The following GMPR2 variants were observed in gnomAD, a reference collection of about 807,000 sequenced individuals.
GMPR2 encodes guanosine monophosphate reductase 2.
In GMPR2, 32 loss-of-function variants were observed where a neutral mutation model predicts 38.5. The observed-to-expected ratio is 0.83, with a 90% CI of 0.63 to 1.12. The LOEUF (loss-of-function observed/expected upper bound fraction) is 1.12. Among genes scored for constraint, GMPR2 ranks in the 50% most tolerant of loss-of-function variants. GMPR2 has a pLI of 0.00. For missense variants in GMPR2, 396 were observed against 432.1 expected, an observed-to-expected ratio of 0.92 and a Z score of 0.74; for synonymous variants, 154 against 151.0, an observed-to-expected ratio of 1.02 and a Z score of -0.15.
chr14:24,236,845 G>A, intron 5 of GMPR2: 2 of 491,836 alleles, frequency 4.1e-6, no homozygotes, highest in Non-Finnish European at 7.4e-6. Flanking sequence ...GTTCAGTGGT[G>A]ACATTGGCCA....
chr14:24,234,011 C>T, intron 3 of GMPR2: 3 of 972,252 alleles, frequency 3.1e-6, no homozygotes, highest in Non-Finnish European at 4.3e-6. Context: ...CTAGAAGATC[C>T]TAGGAGAAGC....
chr14:24,233,683 C>A lies in GMPR2; in HGVS notation c.207+85C>A, dbSNP rs771401714. The A allele has an allele frequency of 3.5e-6, 5 of 1,428,918 alleles. No individual in the cohort carries two copies. The Admixed American group carries it at 5.0e-5, about 14-fold the overall frequency. 88.5% of individuals were successfully genotyped at this position (1,428,918 alleles called of 1,614,324 possible). A position where few individuals can be genotyped will look rare whatever the true frequency, so the allele number is the denominator to read the frequency against. ...GGTGTTTGCATCCCCACCCCCATGC[C>A]CAGTCAGTTCTCTGGCAGTTAGCAG... On this transcript the variant is annotated intron_variant, in intron 3 of 9. Transcript: ENST00000399440.
rs1246144235 is a variant in GMPR2 at position 24,235,790 on chromosome 14, G to A, written c.261G>A (p.Glu87=). 6.2e-7 allele frequency: 1 copy of A among 1,613,586 alleles called. No individual in the cohort carries two copies. The highest frequency in any genetic ancestry group is 1.1e-5 in the South Asian group (1 of 91,084). ...ACTATAGCCTCGTTCAGTGGCAAGA[G>A]TTTGCTGGCCAGAATCCTGACTGTC... ...HKHYSLVQWQ[E]FAGQNPDCLE... The change falls in exon 4 of 10, where the codon GAG becomes GAA. Residue 87 remains glutamate (E), a synonymous_variant. Coordinates refer to ENST00000399440, the MANE Select transcript of GMPR2 (RefSeq NM_001002002.3).
rs773932048 is a variant in GMPR2 at position 24,233,384 on chromosome 14, C to T, written c.87+44C>T. The T allele has an allele frequency of 3.1e-6, 5 of 1,610,046 alleles. No homozygotes were observed. In the African/African-American group the frequency reaches 4.0e-5, roughly 13 times the overall value. On this transcript the variant is annotated intron_variant, in intron 2 of 9. Coordinates refer to ENST00000399440, the MANE Select transcript of GMPR2 (RefSeq NM_001002002.3). ...TTGCTGTTTCTTGACCCCACGCTCC[C>T]GGTGGGCCACAACCAAGAAAGATGC...
intron 5 of GMPR2, 85 bp downstream of exon 5, chr14:24,236,225 C>T (rs1315398456): frequency 1.1e-6 from 1 of 929,892 alleles, no homozygotes; most frequent in East Asian, 2.4e-5. Flanking sequence ...TTCTCCTCTG[C>T]TGCATTATGA....
intron 3 of GMPR2, chr14:24,233,800 A>G (rs937650416): frequency 1.2e-5 from 8 of 651,290 alleles, no homozygotes; most frequent in African/African-American, 1.1e-4. Context: ...ATTCAAAGCT[A>G]AGTTCTGCTC....
In GMPR2 at chr14:24,237,363, G is replaced by C; in HGVS notation, c.654+12G>C. 1 of 1,545,426 alleles carries C rather than the reference G, an allele frequency of 6.5e-7. No homozygotes were observed. The highest frequency in any genetic ancestry group is 1.4e-5 in the African/African-American group (1 of 73,778). The stretch of plus-strand genomic sequence containing the variant: ...GCCACATCATTTCAGTAAGGCTCAA[G>C]GGCAGGGTAGGGTATGAGCGGGGTT... On this transcript the variant is annotated intron_variant, in intron 7 of 9. Transcript: ENST00000399440.
At position 24,233,080 on chromosome 14, in the gene GMPR2, G is replaced by T. The variant is rs2040132128; in HGVS notation, c.-36+103G>T. The T allele has an allele frequency of 4.9e-6, 5 of 1,020,380 alleles. No homozygotes were observed. The East Asian group carries it at 9.5e-5, about 19-fold the overall frequency. The allele number at this position is 1,020,380 out of a possible 1,614,324, so 63.2% of individuals were successfully genotyped here. Reference sequence around the variant, plus strand: ...CCTAGGGTAATCGCAGCCACGGGATGGGTCGAGGTGACAGGCTTCAGGGAC... The same window carrying T: ...CCTAGGGTAATCGCAGCCACGGGATTGGTCGAGGTGACAGGCTTCAGGGAC... On this transcript the variant is annotated intron_variant, in intron 1 of 9. Coordinates refer to ENST00000399440, the MANE Select transcript of GMPR2 (RefSeq NM_001002002.3).
chr14:24,237,557 C>CT lies in GMPR2; in HGVS notation c.696dup (p.Gly233TrpfsTer5), dbSNP rs764447044. On this transcript the variant is annotated frameshift_variant, in exon 8 of 10. Transcript: ENST00000399440. LOFTEE classifies it high-confidence loss of function. ...AGCTGTCCTGGGGATGTGGCCAAGG[C>CT]TTTTGGTAAGGAGCTTGAGGGCACA... 5.6e-6 allele frequency: 9 copies of CT among 1,613,662 alleles called. No homozygotes were observed. The Admixed American group carries it at 1.5e-4, about 27-fold the overall frequency.
chr14:24,238,262 C>T lies in GMPR2; in HGVS notation c.714C>T (p.Phe238=), dbSNP rs377312902. Reference sequence around the variant, plus strand: ...TGGTGGCAGGGGCAGGAGCTGACTTCGTGATGCTGGGTGGCATGCTGGCTG... The same window carrying T: ...TGGTGGCAGGGGCAGGAGCTGACTTTGTGATGCTGGGTGGCATGCTGGCTG... ...VAKAFGAGAD[F]VMLGGMLAGH... Residue 238 remains phenylalanine (F), a synonymous_variant, in exon 9 of 10, where the codon TTC becomes TTT. Coordinates refer to ENST00000399440, the MANE Select transcript of GMPR2 (RefSeq NM_001002002.3). 4.6e-5 allele frequency: 74 copies of T among 1,611,428 alleles called. No individual in the cohort carries two copies. Among genetic ancestry groups the T allele is most frequent in the Non-Finnish European group, 5.5e-5 (65 of 1,178,470 alleles).
Position 24,236,155 on chromosome 14 carries a change from C to G in GMPR2, c.465+15C>G, listed in dbSNP as rs1371502745. 6.2e-7 allele frequency: 1 copy of G among 1,600,614 alleles called. No individual in the cohort carries two copies. Among genetic ancestry groups the G allele is most frequent in the Non-Finnish European group, 8.6e-7 (1 of 1,169,074 alleles). ...ACACCATCATGGTATGTTTCTATTA[C>G]AGTCGGTACCTTTTTATCTTTCCAC... On this transcript the variant is annotated intron_variant, in intron 5 of 9. Transcript: ENST00000399440.
In GMPR2 at chr14:24,238,319, G is replaced by A. The variant is rs2040446568; in HGVS notation, c.771G>A (p.Glu257=). The change falls in exon 9 of 10, where the codon GAG becomes GAA. Residue 257 remains glutamate (E), a synonymous_variant. Transcript: ENST00000399440. Reference sequence around the variant, plus strand: ...GTGAGTCAGGTGGTGAGCTCATCGAGAGGGATGGCAAGAAGTACAAGCTCT... The same window carrying A: ...GTGAGTCAGGTGGTGAGCTCATCGAAAGGGATGGCAAGAAGTACAAGCTCT... The part of the protein sequence containing the change: ...GHSESGGELI[E]RDGKKYKLFY... 1.6e-5 allele frequency: 26 copies of A among 1,614,174 alleles called. No homozygotes were observed. The highest frequency in any genetic ancestry group is 1.9e-5 in the Non-Finnish European group (23 of 1,180,022).
intron 5 of GMPR2, among the ~76,000 whole-genome samples, chr14:24,236,579 G>A (rs756603550): frequency 3.3e-5 from 5 of 152,188 alleles, no homozygotes; most frequent in African/African-American, 4.8e-5. Flanking sequence ...GGTCAAATGG[G>A]TCTTTAGCCT....
intron 1 of GMPR2, 97 bp downstream of exon 1, chr14:24,233,074 C>A (rs958305328): frequency 2.0e-6 from 2 of 979,046 alleles, no homozygotes; most frequent in Non-Finnish European, 3.2e-6. Flanking sequence ...ATCGCAGCCA[C>A]GGGATGGGTC....
In GMPR2 at chr14:24,238,093, C is replaced by G. The variant is rs1272175197; in HGVS notation, c.698-153C>G. 2.0e-5 allele frequency: 13 copies of G among 663,776 alleles called. No homozygotes were observed. The African/African-American group carries it at 2.4e-4, about 12-fold the overall frequency. The allele number at this position is 663,776 out of a possible 1,614,324, so 41.1% of individuals were successfully genotyped here. ...GGAATAGAGGCCAGGGCAGATCAGGCCTGCGTGGATTGTGGGTCAGCTAGG... is the reference window on the plus strand; with the variant it reads ...GGAATAGAGGCCAGGGCAGATCAGGGCTGCGTGGATTGTGGGTCAGCTAGG... On this transcript the variant is annotated intron_variant, in intron 8 of 9. Transcript: ENST00000399440.
intron 3 of GMPR2, 200 bp downstream of exon 3, chr14:24,233,798 C>A: frequency 1.5e-6 from 1 of 649,500 alleles, no homozygotes; most frequent in Non-Finnish European, 2.7e-6. Context: ...AGATTCAAAG[C>A]TAAGTTCTGC....
rs746193371 is a variant in GMPR2 at position 24,233,280 on chromosome 14, A to G, written c.27A>G (p.Lys9=). 6.2e-6 allele frequency: 10 copies of G among 1,614,090 alleles called. No homozygotes were observed. The highest frequency in any genetic ancestry group is 3.3e-5 in the Admixed American group (2 of 60,016). Residue 9 remains lysine, a synonymous_variant, in exon 2 of 10, where the codon AAA becomes AAG. Transcript: ENST00000399440. MPHIDNDV[K]LDFKDVLLRP... is the part of the protein sequence containing the mutation. ...TGCCTCATATTGACAACGATGTGAA[A>G]CTGGACTTCAAGGATGTCCTTTTGA... is the stretch of plus-strand genomic sequence containing the variant.
chr14:24,239,010 G>A lies in GMPR2; in HGVS notation c.*232G>A, dbSNP rs974836669. 1 of 617,814 alleles carries A rather than the reference G, an allele frequency of 1.6e-6. No individual in the cohort carries two copies. 38.3% of individuals were successfully genotyped at this position (617,814 alleles called of 1,614,324 possible). On this transcript the variant is annotated 3_prime_UTR_variant, in exon 10 of 10. Transcript: ENST00000399440. ...CAAACAGTCTGAGAAAATGATGCAA[G>A]AAAATCAAATGGGAATCTGGGGACC...
At chr14:24,232,887 C>G, upstream of GMPR2, 1 of 385,752 alleles carries the variant, frequency 2.6e-6, no homozygotes. Flanking sequence ...TGAACCCTCC[C>G]CGCCCCCCGT....
Sources: allele counts gnomAD v4.1 joint callset (sites outside exome capture counted in the v4.1 genomes callset), GRCh38; gene constraint gnomAD v4.1.1; transcripts MANE v1.5; gene names NCBI Gene and HGNC (gene_info 2026-07-23, HGNC 2026-07-21).